MN1: variants seen among roughly 807,000 people sequenced by gnomAD.
MN1 encodes MN1 proto-oncogene, transcriptional regulator.
MN1 carries 19 observed loss-of-function variants against 86.9 expected under a neutral mutation model. That is an observed-to-expected ratio of 0.22 (90% CI 0.15 to 0.32). MN1 has a LOEUF of 0.32. Among genes scored for constraint, MN1 ranks in the 10% least tolerant of loss-of-function variants. MN1 has a pLI of 1.00. For missense variants in MN1, 1,841 were observed against 1,862.0 expected (o/e 0.99, Z 0.21); for synonymous variants, 928 against 849.6 (o/e 1.09, Z -1.60).
chr22:27,780,620 G>C (rs1056899980), intron 1 of MN1, among the ~76,000 whole-genome samples: 1 of 152,284 alleles, frequency 6.6e-6, no homozygotes, highest in South Asian at 2.1e-4. Flanking sequence ...AACACTAGTG[G>C]CTGGCTCCTC....
Position 27,751,047 on chromosome 22 carries a change from G to A in MN1, c.3831C>T (p.His1277=), listed in dbSNP as rs779261073. 1.4e-5 allele frequency: 22 copies of A among 1,600,496 alleles called. No individual in the cohort carries two copies. In the East Asian group the frequency reaches 3.8e-4, roughly 28 times the overall value. Residue 1277 remains histidine (H), a synonymous_variant, in exon 2 of 2, where the codon CAC becomes CAT. Transcript: ENST00000302326. ...NKASASQPGS[H]LQCLSVHCTD... ...TGCAGTGGACAGACAGGCACTGCAAGTGGCTGCCAGGCTGGGATGCTGAGG... is the reference window on the plus strand; with the variant it reads ...TGCAGTGGACAGACAGGCACTGCAAATGGCTGCCAGGCTGGGATGCTGAGG...
intron 1 of MN1, among the ~76,000 whole-genome samples, chr22:27,771,134 C>T (rs1174527093): frequency 1.3e-5 from 2 of 151,676 alleles, no homozygotes; most frequent in East Asian, 1.9e-4. Flanking sequence ...ATCTGGCCCA[C>T]CATCTGACTT....
chr22:27,749,750 CCCTG>C lies in MN1; in HGVS notation c.*1161_*1164del. On this transcript the variant is annotated 3_prime_UTR_variant, in exon 2 of 2. Coordinates refer to ENST00000302326, the MANE Select transcript of MN1 (RefSeq NM_002430.3). ...CTCTAGCCCTCAGGAGTCTGCAGAT[CCCTG>C]CAAAGGCTCAGAGAAGGCTGAGCAG... 1 of 231,724 alleles carries C rather than the reference CCCTG, an allele frequency of 4.3e-6. No homozygotes were observed. The highest frequency in any genetic ancestry group is 8.5e-6 in the Non-Finnish European group (1 of 117,044). 14.4% of individuals were successfully genotyped at this position (231,724 alleles called of 1,614,324 possible).
rs1289475483 is a variant in MN1 at position 27,797,070 on chromosome 22, C to G, written c.3474G>C (p.Ala1158=). The G allele has an allele frequency of 6.2e-7, 1 of 1,611,618 alleles. No homozygotes were observed. Among genetic ancestry groups the G allele is most frequent in the Non-Finnish European group, 8.5e-7 (1 of 1,179,380 alleles). Residue 1158 remains alanine (A), a synonymous_variant, in exon 1 of 2, where the codon GCG becomes GCC. Coordinates refer to ENST00000302326, the MANE Select transcript of MN1 (RefSeq NM_002430.3). ...ACTGCTGCCTCTGTAGCTGGATCTG[C>G]GCCTGAAGGATCTCCAGGGGGTGGA... is the stretch of plus-strand genomic sequence containing the variant. ...DEIHPLEILQ[A]QIQLQRQQFS...
chr22:27,765,280 C>T (rs1932860716), intron 1 of MN1, among the ~76,000 whole-genome samples: 1 of 152,188 alleles, frequency 6.6e-6, no homozygotes, highest in African/African-American at 2.4e-5. Context: ...CGTGCTGTCA[C>T]TTTTAGGGAG....
chr22:27,788,823 C>A (rs1933174259), intron 1 of MN1, among the ~76,000 whole-genome samples: 1 of 152,066 alleles, frequency 6.6e-6, no homozygotes, highest in Non-Finnish European at 1.5e-5. Context: ...ACACTGGGGC[C>A]CTCAACTTTG....
intron 1 of MN1, among the ~76,000 whole-genome samples, chr22:27,763,070 G>A (rs533198510): frequency 1.1e-4 from 16 of 152,226 alleles, no homozygotes; most frequent in Admixed American, 3.3e-4. Context: ...ACTCTGGCCC[G>A]GGTGACAGAG....
chr22:27,761,340 C>T (rs1932833361), intron 1 of MN1, among the ~76,000 whole-genome samples: 1 of 151,704 alleles, frequency 6.6e-6, no homozygotes, highest in Non-Finnish European at 1.5e-5. Context: ...GTATCTCCCT[C>T]CCTCTCTCCT....
At chr22:27,796,581 T>TG (rs545460523) in intron 1 of MN1, among the ~76,000 whole-genome samples, 182 bp downstream of exon 1, 1,467 of 66,376 alleles carry the variant, frequency 0.022, 16 homozygotes, top group Middle Eastern at 0.11. Context: ...GCAGTGTGTG[T>TG]GGGGGGGTCT....
chr22:27,748,310 T>C lies in MN1; in HGVS notation c.*2605A>G, dbSNP rs1932715927. 5.7e-6 allele frequency: 1 copy of C among 175,670 alleles called. No homozygotes were observed. Among genetic ancestry groups the C allele is most frequent in the Admixed American group, 6.3e-5 (1 of 15,770 alleles). 10.9% of individuals were successfully genotyped at this position (175,670 alleles called of 1,614,324 possible). ...AACGTCATATTTATTGTTATTTAACTGCTCAGGAAAACATATACAGGTATA... is the reference window on the plus strand; with the variant it reads ...AACGTCATATTTATTGTTATTTAACCGCTCAGGAAAACATATACAGGTATA... On this transcript the variant is annotated 3_prime_UTR_variant, in exon 2 of 2. Transcript: ENST00000302326.
chr22:27,780,035 G>T (rs1933030528), intron 1 of MN1, among the ~76,000 whole-genome samples: 1 of 152,130 alleles, frequency 6.6e-6, no homozygotes, highest in African/African-American at 2.4e-5. Flanking sequence ...CTAACCTATG[G>T]CCCAGGGGCT....
At chr22:27,758,614 C>A (rs529349377) in intron 1 of MN1, among the ~76,000 whole-genome samples, 3 of 152,282 alleles carry the variant, frequency 2.0e-5, no homozygotes, top group Non-Finnish European at 2.9e-5. Context: ...AGGTCTGTAT[C>A]CTGGTCCCTG....
intron 1 of MN1, among the ~76,000 whole-genome samples, chr22:27,792,351 T>TATATATATATA (rs1350212376): frequency 1.8e-5 from 2 of 109,158 alleles, no homozygotes; most frequent in Non-Finnish European, 4.2e-5. Flanking sequence ...TATATATATA[T>TATATATATATA]GAATATATAA....
In MN1 at chr22:27,748,371, A is replaced by G. The variant is rs916877217; in HGVS notation, c.*2544T>C. 6 of 180,574 alleles carry G rather than the reference A, an allele frequency of 3.3e-5. No homozygotes were observed. The highest frequency in any genetic ancestry group is 1.4e-4 in the African/African-American group (6 of 42,174). 11.2% of individuals were successfully genotyped at this position (180,574 alleles called of 1,614,324 possible). A position where few individuals can be genotyped will look rare whatever the true frequency, so the allele number is the denominator to read the frequency against. On this transcript the variant is annotated 3_prime_UTR_variant, in exon 2 of 2. Transcript: ENST00000302326. ...AGGAATACAGAAGACTGCACTTTAC[A>G]TATTTTTTTAAAAAAGAAAGAAAAA...
chr22:27,762,837 G>C (rs1027840753), intron 1 of MN1, among the ~76,000 whole-genome samples: 14 of 152,204 alleles, frequency 9.2e-5, no homozygotes, highest in Admixed American at 3.3e-4. Flanking sequence ...GGTGGCTCAT[G>C]ACTGTAATTC....
At chr22:27,765,325 T>A (rs1344304945) in intron 1 of MN1, among the ~76,000 whole-genome samples, 2 of 152,224 alleles carry the variant, frequency 1.3e-5, no homozygotes, top group Non-Finnish European at 2.9e-5. Context: ...ATGGCCCTCA[T>A]CTTCCCTCTT....
intron 1 of MN1, among the ~76,000 whole-genome samples, chr22:27,795,462 G>A (rs1004532358): frequency 2.0e-5 from 3 of 152,016 alleles, no homozygotes; most frequent in South Asian, 2.1e-4. Flanking sequence ...GGGAGGATGA[G>A]GGAAACGAAG....
rs956863656 is a variant in MN1, at chr22:27,798,993, C to T, written c.1551G>A (p.Pro517=). 1.2e-6 allele frequency: 2 copies of T among 1,607,694 alleles called. No individual in the cohort carries two copies. The highest frequency in any genetic ancestry group is 2.7e-5 in the African/African-American group (2 of 74,780). The part of the protein sequence containing the change: ...PSGPPLQHPA[P]DHQSLQQQQQ... ...GCTGCTGTTGCAGGGACTGGTGGTC[C>T]GGGGCCGGATGCTGCAGGGGCGGCC... The change falls in exon 1 of 2, where the codon CCG becomes CCA. Residue 517 remains proline, a synonymous_variant. Transcript: ENST00000302326.
At chr22:27,760,169 G>A (rs1932825281) in intron 1 of MN1, among the ~76,000 whole-genome samples, 1 of 152,022 alleles carries the variant, frequency 6.6e-6, no homozygotes, top group Admixed American at 6.6e-5. Flanking sequence ...GGCCAACATG[G>A]TCCCATCTCT....
Sources: gnomAD v4.1 joint callset for allele counts (sites outside exome capture counted in the v4.1 genomes callset) on GRCh38, gnomAD v4.1.1 for gene constraint, MANE v1.5 for transcripts, NCBI Gene and HGNC (gene_info 2026-07-23, HGNC 2026-07-21) for gene names.